Variants in HSPA12A observed in about 807,000 individuals in gnomAD.
HSPA12A encodes the protein heat shock 70 kDa protein 12A.
HSPA12A carries 28 observed loss-of-function variants against 69.2 expected under a neutral mutation model. The observed-to-expected ratio is 0.40, with a 90% CI of 0.30 to 0.55. The LOEUF is 0.55. Among genes scored for constraint, HSPA12A ranks in the 20% least tolerant of loss-of-function variants. The probability of loss-of-function intolerance (pLI) is 0.38; values close to 1 mark genes in which losing one functional copy is unlikely to be tolerated. For missense variants in HSPA12A, 686 were observed against 900.7 expected (o/e 0.76, Z 3.05); for synonymous variants, 345 against 370.5 (o/e 0.93, Z 0.79).
intron 2 of HSPA12A, among the ~76,000 whole-genome samples, chr10:116,804,058 G>T (rs979067020): frequency 2.0e-5 from 3 of 151,996 alleles, no homozygotes; most frequent in East Asian, 1.9e-4. Flanking sequence ...GTCTTGCAAC[G>T]GCCCCTCTGT....
intron 3 of HSPA12A, among the ~76,000 whole-genome samples, chr10:116,702,765 T>C (rs1554881781): frequency 6.6e-6 from 1 of 152,206 alleles, no homozygotes; most frequent in Non-Finnish European, 1.5e-5. Flanking sequence ...ACTTTCTCAC[T>C]TATAACTTGT....
At chr10:116,718,712 CT>C (rs1382478225) in intron 1 of HSPA12A, among the ~76,000 whole-genome samples, 3 of 152,114 alleles carry the variant, frequency 2.0e-5, no homozygotes, top group African/African-American at 7.2e-5. Flanking sequence ...GAGTGGGCCC[CT>C]TTTTTTGAAT....
At chr10:116,725,050 A>G (rs1441186509) in intron 1 of HSPA12A, among the ~76,000 whole-genome samples, 1 of 152,186 alleles carries the variant, frequency 6.6e-6, no homozygotes, top group African/African-American at 2.4e-5. Context: ...ACAGCGAGGA[A>G]CAGCAGAGCT....
chr10:116,676,510 A>G lies in HSPA12A; in HGVS notation c.1287-8T>C, dbSNP rs782424256. On this transcript the variant is annotated splice_region_variant and splice_polypyrimidine_tract_variant and intron_variant, in intron 10 of 11. Coordinates refer to ENST00000369209, the MANE Select transcript of HSPA12A (RefSeq NM_025015.3). The stretch of plus-strand genomic sequence containing the variant: ...CACTTCACAAAATCCACACTGCAGG[A>G]GCATAGCATGGAGAAGAGCAGGCAG... 16 of 1,608,420 alleles carry G rather than the reference A, an allele frequency of 9.9e-6. No homozygotes were observed. Among genetic ancestry groups the G allele is most frequent in the African/African-American group, 1.3e-5 (1 of 74,958 alleles).
At chr10:116,700,920 GC>G in intron 4 of HSPA12A, 22 bp downstream of exon 4, 1 of 1,609,758 alleles carries the variant, frequency 6.2e-7, no homozygotes, top group Non-Finnish European at 8.5e-7. Flanking sequence ...GGGGACCTGG[GC>G]CCAGGGGAGA....
chr10:116,678,629 A>G (rs1159955112), intron 10 of HSPA12A, among the ~76,000 whole-genome samples: 2 of 151,692 alleles, frequency 1.3e-5, no homozygotes, highest in Admixed American at 1.3e-4. Flanking sequence ...GTTAATGTTA[A>G]TTAGATACTT....
At chr10:116,752,623 A>G (rs1851798860) in intron 2 of HSPA12A, among the ~76,000 whole-genome samples, 1 of 152,194 alleles carries the variant, frequency 6.6e-6, no homozygotes, top group African/African-American at 2.4e-5. Context: ...AATTTCACCT[A>G]TCTTCTGCTT....
chr10:116,849,108 G>C (rs761075402), intron 1 of HSPA12A, among the ~76,000 whole-genome samples: 5 of 152,174 alleles, frequency 3.3e-5, no homozygotes, highest in Non-Finnish European at 7.3e-5. Context: ...TTAGCAACCC[G>C]GAGGAGCTCA....
chr10:116,740,074 A>C (rs1003400244), intron 1 of HSPA12A, among the ~76,000 whole-genome samples: 2 of 152,218 alleles, frequency 1.3e-5, no homozygotes, highest in African/African-American at 4.8e-5. Context: ...CTTCCCAGGA[A>C]GCACAACCAT....
At position 116,679,718 on chromosome 10, in the gene HSPA12A, T is replaced by C. The variant is rs782204643; in HGVS notation, c.1071A>G (p.Lys357=). 8.1e-6 allele frequency: 13 copies of C among 1,614,094 alleles called. 1 individual carries two copies. Among genetic ancestry groups the C allele is most frequent in the Middle Eastern group, 3.3e-4 (2 of 6,062 alleles). The stretch of plus-strand genomic sequence containing the variant: ...CCTCTCCAAATATTTTATACAGAAG[T>C]TTTTCGAACTCATAATCTACTCCTA... ...GSLGVDYEFE[K]LLYKIFGEDF... Residue 357 remains lysine (K), a synonymous_variant, in exon 10 of 12, where the codon AAA becomes AAG. Coordinates refer to ENST00000369209, the MANE Select transcript of HSPA12A (RefSeq NM_025015.3).
chr10:116,834,655 G>A (rs1354115902), intron 2 of HSPA12A, among the ~76,000 whole-genome samples: 6 of 152,210 alleles, frequency 3.9e-5, no homozygotes, highest in South Asian at 4.1e-4. Flanking sequence ...CAATCTGTGC[G>A]TGTGAGTGTG....
chr10:116,811,450 T>C lies in HSPA12A; in HGVS notation c.91+23485A>G, dbSNP rs74161327. On this transcript the variant is annotated intron_variant, in intron 2 of 12. Transcript: ENST00000635765. ...GCGCCAATCACCTTGTCAAGCCTCT[T>C]AGATCTTCCAGGACCCGGGAGCTCC... 4.6e-3 allele frequency among the ~76,000 whole-genome samples: 697 copies of C among 152,230 alleles called. 6 individuals carry two copies. Among genetic ancestry groups the C allele is most frequent in the African/African-American group, 0.016 (649 of 41,538 alleles).
chr10:116,696,659 C>T (rs1315606572), intron 5 of HSPA12A, among the ~76,000 whole-genome samples: 1 of 152,082 alleles, frequency 6.6e-6, no homozygotes, highest in Non-Finnish European at 1.5e-5. Flanking sequence ...CACTCATTCC[C>T]CCACTAGAAA....
chr10:116,718,365 C>T (rs1205905591), intron 1 of HSPA12A, among the ~76,000 whole-genome samples: 23 of 152,164 alleles, frequency 1.5e-4, no homozygotes, highest in Admixed American at 1.2e-3. Context: ...GTTCATCCTT[C>T]TTCAGCTGAA....
intron 6 of HSPA12A, among the ~76,000 whole-genome samples, chr10:116,688,807 C>T (rs932775381): frequency 3.2e-4 from 48 of 152,210 alleles, no homozygotes; most frequent in African/African-American, 1.1e-3. Flanking sequence ...TAGAGTTACA[C>T]ATTTTAGGCA....
chr10:116,675,328 A>G lies in HSPA12A; in HGVS notation c.1481T>C (p.Val494Ala), dbSNP rs1849202515. Residue 494 changes from valine (V) to alanine (A), a missense_variant, in exon 12 of 12, where the codon GTG (valine) becomes GCG (alanine). Transcript: ENST00000369209. This position sits in a 1 kb window ranked among gnomAD's most constrained non-coding sequence, Gnocchi z 5.2. ...FAEAPLLQQA[V>A]QAAFGDQCRI... ...GCACTGGTCCCCAAAAGCAGCCTGCACCGCCTGCTGCAGCAGGGGCGCCTC... is the reference window on the plus strand; with the variant it reads ...GCACTGGTCCCCAAAAGCAGCCTGCGCCGCCTGCTGCAGCAGGGGCGCCTC... 6.2e-7 allele frequency: 1 copy of G among 1,612,814 alleles called. No individual in the cohort carries two copies. The highest frequency in any genetic ancestry group is 1.1e-5 in the South Asian group (1 of 91,060).
At chr10:116,780,234 G>C (rs1844434408) in intron 2 of HSPA12A, among the ~76,000 whole-genome samples, 1 of 152,174 alleles carries the variant, frequency 6.6e-6, no homozygotes, top group African/African-American at 2.4e-5. Context: ...TGTAGGAAGA[G>C]GGCTCTCCCT....
Position 116,704,597 on chromosome 10 carries a change from A to T in HSPA12A, c.254+554T>A, listed in dbSNP as rs182943438. On this transcript the variant is annotated intron_variant, in intron 3 of 11. Coordinates refer to ENST00000369209, the MANE Select transcript of HSPA12A (RefSeq NM_025015.3). ...GCACGTTGTGCACATGTACCCTAAA[A>T]CTTAAAGTATAATAATAACAAAATT... Among the ~76,000 whole-genome samples the T allele has an allele frequency of 1.7e-3, 260 of 152,200 alleles. 1 individual carries two copies. The highest frequency in any genetic ancestry group is 8.7e-4 in the Non-Finnish European group (59 of 68,014).
chr10:116,679,852 T>C (rs1849354523), intron 9 of HSPA12A, 91 bp from the exon 10 acceptor site: 1 of 1,384,094 alleles, frequency 7.2e-7, no homozygotes, highest in Non-Finnish European at 1.0e-6. Flanking sequence ...TGTTCATCTC[T>C]GAGCCACTTA....
Sources: gnomAD v4.1 joint callset for allele counts (sites outside exome capture counted in the v4.1 genomes callset) on GRCh38, gnomAD v4.1.1 for gene constraint, Gnocchi (gnomAD v3.1) non-coding constraint, MANE v1.5 for transcripts, NCBI Gene and HGNC (gene_info 2026-07-23, HGNC 2026-07-21) for gene names.